The following UNC5D variants were observed in gnomAD, a reference collection of about 807,000 sequenced individuals.
UNC5D encodes the protein netrin receptor UNC5D.
A neutral mutation model predicts 105.4 loss-of-function variants in UNC5D; 39 were observed. That is an observed-to-expected ratio of 0.37 (90% CI 0.29 to 0.48). The LOEUF is 0.48. Ranked by LOEUF, UNC5D falls within the 20% of genes least tolerant of loss-of-function variation. The pLI is 0.98. For synonymous variants in UNC5D, 452 were observed against 450.4 expected (o/e 1.00, Z -0.04); for missense variants, 991 against 1,202.4 (o/e 0.82, Z 2.60).
intron 1 of UNC5D, among the ~76,000 whole-genome samples, chr8:35,488,920 A>C (rs1585961070): frequency 6.6e-6 from 1 of 151,986 alleles, no homozygotes; most frequent in East Asian, 1.9e-4. Flanking sequence ...ACTAAGTTGG[A>C]GATGAATGGA....
intron 2 of UNC5D, among the ~76,000 whole-genome samples, chr8:35,563,356 TG>T (rs1368772030): frequency 5.5e-5 from 1 of 18,180 alleles, no homozygotes; most frequent in African/African-American, 2.3e-4. Context: ...GTATTTTTTG[TG>T]GGGGGTGGGG....
chr8:35,295,976 C>G (rs1191884794), intron 1 of UNC5D, among the ~76,000 whole-genome samples: 2 of 152,144 alleles, frequency 1.3e-5, no homozygotes, highest in Non-Finnish European at 1.5e-5. Flanking sequence ...CCTGCAGGTT[C>G]ATCTATGTTG....
intron 1 of UNC5D, among the ~76,000 whole-genome samples, chr8:35,522,077 C>G (rs1181874935): frequency 6.6e-6 from 1 of 152,168 alleles, no homozygotes; most frequent in African/African-American, 2.4e-5. Context: ...ACACCATGCT[C>G]CCCATCAACA....
At position 35,728,071 on chromosome 8, in the gene UNC5D, TAAAA is replaced by T. The variant is rs71215643; in HGVS notation, c.1681+1564_1681+1567del. Reference sequence around the variant, plus strand: ...GGGCAACATAGCAAGTTGCTGTCTCTAAAAAAAAAAAAAAAAAAAAAAAAATATA... The same window carrying T: ...GGGCAACATAGCAAGTTGCTGTCTCTAAAAAAAAAAAAAAAAAAAAATATA... On this transcript the variant is annotated intron_variant, in intron 10 of 16. Transcript: ENST00000404895. 3.2e-4 allele frequency among the ~76,000 whole-genome samples: 13 copies of T among 41,040 alleles called. No homozygotes were observed. The East Asian group carries it at 3.5e-3, about 11-fold the overall frequency. 26.9% of individuals were successfully genotyped at this position (41,040 alleles called of 152,430 possible). A position where few individuals can be genotyped will look rare whatever the true frequency, so the allele number is the denominator to read the frequency against.
intron 1 of UNC5D, among the ~76,000 whole-genome samples, chr8:35,494,183 T>A (rs907259133): frequency 6.6e-6 from 1 of 152,150 alleles, no homozygotes; most frequent in African/African-American, 2.4e-5. Flanking sequence ...TTCTGTGAAA[T>A]TATTAGCACT....
At chr8:35,290,736 G>A (rs1298968153) in intron 1 of UNC5D, among the ~76,000 whole-genome samples, 1 of 152,022 alleles carries the variant, frequency 6.6e-6, no homozygotes, top group African/African-American at 2.4e-5. Context: ...ATCACCTGAG[G>A]TCAGGAGTTG....
chr8:35,442,936 A>ACACACAAC (rs1210252115), intron 1 of UNC5D, among the ~76,000 whole-genome samples: 7 of 135,196 alleles, frequency 5.2e-5, no homozygotes, highest in African/African-American at 2.0e-4. Context: ...ACACACACAC[A>ACACACAAC]ACACACACAC....
intron 2 of UNC5D, among the ~76,000 whole-genome samples, chr8:35,553,300 C>T (rs936884300): frequency 1.3e-5 from 2 of 151,658 alleles, no homozygotes; most frequent in Admixed American, 1.3e-4. Context: ...ATGTGGATAG[C>T]GTTTTTTATT....
At chr8:35,534,315 C>G (rs897149588) in intron 1 of UNC5D, among the ~76,000 whole-genome samples, 1 of 152,150 alleles carries the variant, frequency 6.6e-6, no homozygotes, top group Non-Finnish European at 1.5e-5. Context: ...ACTTTAAACA[C>G]TGTCTAAACA....
chr8:35,498,552 GA>G (rs1811762859), intron 1 of UNC5D, among the ~76,000 whole-genome samples: 2 of 152,144 alleles, frequency 1.3e-5, no homozygotes, highest in African/African-American at 4.8e-5. Context: ...ATACTTGGAG[GA>G]ACAGGAAACT....
At chr8:35,606,552 G>A (rs1368491088) in intron 4 of UNC5D, among the ~76,000 whole-genome samples, 1 of 152,126 alleles carries the variant, frequency 6.6e-6, no homozygotes, top group Non-Finnish European at 1.5e-5. Context: ...CCCACAGGTA[G>A]CTTCTTGATC....
chr8:35,646,972 C>T (rs1823093026), intron 4 of UNC5D, among the ~76,000 whole-genome samples: 1 of 152,088 alleles, frequency 6.6e-6, no homozygotes, highest in South Asian at 2.1e-4. Context: ...AAAGGTAACA[C>T]ATTTGTTAAC....
intron 1 of UNC5D, among the ~76,000 whole-genome samples, chr8:35,279,311 T>G (rs887639838): frequency 2.6e-5 from 4 of 152,234 alleles, no homozygotes; most frequent in Non-Finnish European, 4.4e-5. Context: ...TATTTGGTAC[T>G]TCACTCAGTT....
chr8:35,439,981 A>T (rs1418450274), intron 1 of UNC5D, among the ~76,000 whole-genome samples: 1 of 152,012 alleles, frequency 6.6e-6, no homozygotes, highest in Non-Finnish European at 1.5e-5. Context: ...ATCCAATAGC[A>T]CTATATAGAG....
At chr8:35,574,681 C>T (rs149038985) in intron 3 of UNC5D, among the ~76,000 whole-genome samples, 1 of 152,230 alleles carries the variant, frequency 6.6e-6, no homozygotes, top group East Asian at 1.9e-4. Context: ...CTCTGCTACC[C>T]ACAAATTTGA....
chr8:35,424,080 A>C (rs1245511858), intron 1 of UNC5D, among the ~76,000 whole-genome samples: 1 of 152,238 alleles, frequency 6.6e-6, no homozygotes, highest in Non-Finnish European at 1.5e-5. Context: ...GATTATATAC[A>C]TGAGCCACTG....
At chr8:35,593,779 C>T (rs979678435) in intron 3 of UNC5D, among the ~76,000 whole-genome samples, 1 of 151,524 alleles carries the variant, frequency 6.6e-6, no homozygotes, top group African/African-American at 2.4e-5. Context: ...AACAAACAAA[C>T]AAAAAAAACA....
chr8:35,621,075 C>T (rs976847938), intron 4 of UNC5D, among the ~76,000 whole-genome samples: 1 of 152,212 alleles, frequency 6.6e-6, no homozygotes, highest in Non-Finnish European at 1.5e-5. Flanking sequence ...CCACTGGCCA[C>T]ATCCAGTTGT....
intron 1 of UNC5D, among the ~76,000 whole-genome samples, chr8:35,469,736 T>C (rs1388722915): frequency 2.6e-5 from 4 of 152,232 alleles, no homozygotes; most frequent in Non-Finnish European, 5.9e-5. Context: ...CAGAAAGACC[T>C]GAATGACGAA....
Sources: gnomAD v4.1 joint callset for allele counts (sites outside exome capture counted in the v4.1 genomes callset) on GRCh38, gnomAD v4.1.1 for gene constraint, MANE v1.5 for transcripts, NCBI Gene and HGNC (gene_info 2026-07-23, HGNC 2026-07-21) for gene names.